Variants in NOS1 observed in about 807,000 individuals in gnomAD.
NOS1 encodes nitric oxide synthase 1.
Under a neutral mutation model 164.5 loss-of-function variants are expected in NOS1, and 51 were observed. The ratio of observed to expected loss-of-function variants is 0.31; its 90% CI spans 0.25 to 0.39. The LOEUF is 0.39. NOS1 is among the 10% of genes least tolerant of loss of function. The pLI, the probability that NOS1 is intolerant of heterozygous loss-of-function variation, is 1.00. For missense variants in NOS1, 1,362 were observed against 1,885.6 expected (o/e 0.72, Z 5.14); for synonymous variants, 719 against 745.8 (o/e 0.96, Z 0.59).
In NOS1 at chr12:117,210,465, G is replaced by A. The variant is rs1335263543; in HGVS notation, c.*4844C>T. On this transcript the variant is annotated 3_prime_UTR_variant, in exon 29 of 29. Coordinates refer to ENST00000317775, the MANE Select transcript of NOS1 (RefSeq NM_000620.5). ...GAGGACATGGTGGCCACAGCGGCAT[G>A]CTGGGTATGTGGGGCAGCGGGTAGG... The A allele has an allele frequency of 2.0e-6, 2 of 985,364 alleles. No homozygotes were observed. The highest frequency in any genetic ancestry group is 3.5e-5 in the African/African-American group (2 of 57,220). The allele number at this position is 985,364 out of a possible 1,614,324, so 61.0% of individuals were successfully genotyped here. A position where few individuals can be genotyped will look rare whatever the true frequency, so the allele number is the denominator to read the frequency against.
At chr12:117,350,216 A>G (rs1223066921) in intron 1 of NOS1, among the ~76,000 whole-genome samples, 3 of 152,158 alleles carry the variant, frequency 2.0e-5, no homozygotes, top group Non-Finnish European at 2.9e-5. Flanking sequence ...TTTGAAATCT[A>G]TGAACCTTTT....
intron 3 of NOS1, among the ~76,000 whole-genome samples, chr12:117,307,472 C>T (rs114669733): frequency 4.6e-5 from 7 of 152,170 alleles, no homozygotes; most frequent in East Asian, 3.9e-4. Context: ...GCGATACTCC[C>T]GCCTCAACCT....
Position 117,280,766 on chromosome 12 carries a change from C to T in NOS1, c.1483G>A (p.Gly495Ser), listed in dbSNP as rs1430950269. Residue 495 changes from glycine to serine, a missense_variant, in exon 8 of 29, where the codon GGC becomes AGC. Physicochemically the swap from Gly to Ser is moderately conservative, Grantham distance 56. This residue lies in a region of NOS1 where 134 missense variants were observed against 267.3 expected (regional missense o/e 0.50). Transcript: ENST00000317775. ...TTGGCTGGGTCCCCCAGGGTGGAGC[C>T]GTCAGGCTGCTTGTAGCCAGCGTAG... ...IRYAGYKQPD[G>S]STLGDPANVQ... 1.9e-6 allele frequency: 3 copies of T among 1,614,064 alleles called. No homozygotes were observed. Among genetic ancestry groups the T allele is most frequent in the South Asian group, 2.2e-5 (2 of 91,086 alleles).
rs60695198 is a variant in NOS1, at chr12:117,210,862, C to T, written c.*4447G>A. 2,647 of 985,400 alleles carry T rather than the reference C, an allele frequency of 2.7e-3. 52 individuals are homozygous for T. In the African/African-American group the frequency reaches 0.042, roughly 16 times the overall value. The allele number at this position is 985,400 out of a possible 1,614,324, so 61.0% of individuals were successfully genotyped here. A position where few individuals can be genotyped will look rare whatever the true frequency, so the allele number is the denominator to read the frequency against. On this transcript the variant is annotated 3_prime_UTR_variant, in exon 29 of 29. Coordinates refer to ENST00000317775, the MANE Select transcript of NOS1 (RefSeq NM_000620.5). The stretch of plus-strand genomic sequence containing the variant: ...ACCCTGTTGACTCCAGAGAAGCTGA[C>T]TATCACATCAGCTCTGAAAACTCAT...
In NOS1 at chr12:117,213,494, C is replaced by G. The variant is rs544985427; in HGVS notation, c.*1815G>C. On this transcript the variant is annotated 3_prime_UTR_variant, in exon 29 of 29. Coordinates refer to ENST00000317775, the MANE Select transcript of NOS1 (RefSeq NM_000620.5). Reference sequence around the variant, plus strand: ...GCTCCATGTGGCAGGAACAGGACACCGGTGGGGGCTGCCAGGGATGGCAGA... The same window carrying G: ...GCTCCATGTGGCAGGAACAGGACACGGGTGGGGGCTGCCAGGGATGGCAGA... 1.0e-6 allele frequency: 1 copy of G among 985,216 alleles called. No homozygotes were observed. Among genetic ancestry groups the G allele is most frequent in the African/African-American group, 1.7e-5 (1 of 57,196 alleles). The allele number at this position is 985,216 out of a possible 1,614,324, so 61.0% of individuals were successfully genotyped here. A position where few individuals can be genotyped will look rare whatever the true frequency, so the allele number is the denominator to read the frequency against.
chr12:117,227,710 G>A, intron 22 of NOS1, 69 bp from the exon 23 acceptor site: 2 of 1,494,302 alleles, frequency 1.3e-6, no homozygotes, highest in South Asian at 1.1e-5. Flanking sequence ...AGGACCTGAG[G>A]GGGTCCAGGA....
chr12:117,286,910 T>G (rs1745777497), intron 5 of NOS1, among the ~76,000 whole-genome samples: 1 of 152,164 alleles, frequency 6.6e-6, no homozygotes, highest in African/African-American at 2.4e-5. Context: ...TTTGCATGTT[T>G]AAAGCATTCA....
chr12:117,256,681 A>T (rs1261664528), intron 16 of NOS1, among the ~76,000 whole-genome samples: 2 of 152,136 alleles, frequency 1.3e-5, no homozygotes, highest in African/African-American at 4.8e-5. Flanking sequence ...TGCTGGAGCA[A>T]ATACTGAGTT....
At chr12:117,297,899 G>A (rs530651212) in intron 3 of NOS1, among the ~76,000 whole-genome samples, 21 of 152,082 alleles carry the variant, frequency 1.4e-4, no homozygotes, top group Non-Finnish European at 3.1e-4. Context: ...CTACACCAGG[G>A]GAGGCAGGCA....
At chr12:117,258,500 T>A (rs369702857) in intron 15 of NOS1, 45 bp from the exon 16 acceptor site, 11 of 1,598,878 alleles carry the variant, frequency 6.9e-6, no homozygotes, top group Non-Finnish European at 9.4e-6. Flanking sequence ...TCTTAGTAAA[T>A]GGGAAATCAG....
At position 117,278,002 on chromosome 12, in the gene NOS1, T is replaced by C. The variant is rs768558258; in HGVS notation, c.1621A>G (p.Ile541Val). The C allele has an allele frequency of 6.2e-7, 1 of 1,613,986 alleles. No homozygotes were observed. Among genetic ancestry groups the C allele is most frequent in the Non-Finnish European group, 8.5e-7 (1 of 1,179,926 alleles). The change falls in exon 9 of 29, where the codon ATT becomes GTT. Residue 541 changes from isoleucine (I) to valine (V), a missense_variant. Ile to Val is a conservative substitution (Grantham distance 29, BLOSUM62 3). Around this residue, in one of 4 missense-constraint regions of NOS1, gnomAD observed 134 missense variants for 267.3 expected, o/e 0.50. Transcript: ENST00000317775. Reference protein sequence around the residue: ...ANGNDPELFQIPPELVLEVPI... With the variant: ...ANGNDPELFQVPPELVLEVPI... ...ACTTCCAACACCAGCTCTGGAGGAA[T>C]CTGGAAGAGCTCAGGGTCATTGCCG...
chr12:117,231,997 C>T lies in NOS1; in HGVS notation c.3370G>A (p.Glu1124Lys), dbSNP rs372660293. ...ACCAGCAGACGCTGCTTCTCCTTCT[C>T]GCTGGTAGCTAGGGAGGCAAACTGC... ...LQQFASLATS[E>K]KEKQRLLVLS... The change falls in exon 22 of 29, where the codon GAG (glutamate) becomes AAG (lysine). Residue 1124 changes from glutamate (E) to lysine (K), a missense_variant. Glu to Lys is a moderately conservative substitution (Grantham distance 56, BLOSUM62 1). Transcript: ENST00000317775. The T allele has an allele frequency of 2.0e-5, 33 of 1,612,748 alleles. No homozygotes were observed. The highest frequency in any genetic ancestry group is 2.5e-5 in the Non-Finnish European group (29 of 1,179,922).
intron 1 of NOS1, among the ~76,000 whole-genome samples, chr12:117,335,627 A>C (rs529632776): frequency 6.6e-6 from 1 of 152,190 alleles, no homozygotes; most frequent in Non-Finnish European, 1.5e-5. Flanking sequence ...ACAGAAGGAA[A>C]GGTAACAGCA....
chr12:117,284,796 T>C (rs1873970760), intron 7 of NOS1, among the ~76,000 whole-genome samples: 1 of 152,114 alleles, frequency 6.6e-6, no homozygotes, highest in African/African-American at 2.4e-5. Context: ...ATGCCTGTAA[T>C]CCCAGCATTT....
Position 117,253,760 on chromosome 12 carries a change from A to G in NOS1, c.2532-6T>C, listed in dbSNP as rs1871256653. ...TGAATCGGACCTTGTAGCTCCTGCC[A>G]AAACCAAAGAGAACCTGTGAGCTCT... On this transcript the variant is annotated splice_region_variant and splice_polypyrimidine_tract_variant and intron_variant, in intron 16 of 28. Coordinates refer to ENST00000317775, the MANE Select transcript of NOS1 (RefSeq NM_000620.5). The G allele has an allele frequency of 1.2e-6, 2 of 1,602,868 alleles. No homozygotes were observed. The highest frequency in any genetic ancestry group is 1.3e-5 in the African/African-American group (1 of 74,762).
rs1956569711 is a variant in NOS1, at chr12:117,214,216, T to C, written c.*1093A>G. 1 of 985,260 alleles carries C rather than the reference T, an allele frequency of 1.0e-6. No individual in the cohort carries two copies. Among genetic ancestry groups the C allele is most frequent in the Non-Finnish European group, 1.2e-6 (1 of 829,908 alleles). The allele number at this position is 985,260 out of a possible 1,614,324, so 61.0% of individuals were successfully genotyped here. On this transcript the variant is annotated 3_prime_UTR_variant, in exon 29 of 29. Transcript: ENST00000317775. ...GGGGAATAAAAAAATAATAATCATA[T>C]TGTTACTTGATATTGTTTCCAGGCA...
intron 1 of NOS1, among the ~76,000 whole-genome samples, chr12:117,337,452 C>T (rs1429201758): frequency 2.0e-5 from 3 of 152,040 alleles, no homozygotes; most frequent in African/African-American, 7.2e-5. Flanking sequence ...TTATAAAGCC[C>T]AACATTACAC....
intron 1 of NOS1, among the ~76,000 whole-genome samples, chr12:117,340,871 C>CTTTTTTTTTTTTTTTTTTTTTT (rs775978271): frequency 1.0e-5 from 1 of 96,434 alleles, no homozygotes. Flanking sequence ...TCACACCTGG[C>CTTTTTTTTTTTTTTTTTTTTTT]TATTTTTTTT....
At chr12:117,334,772 C>G (rs1023195905) in intron 1 of NOS1, among the ~76,000 whole-genome samples, 2 of 152,210 alleles carry the variant, frequency 1.3e-5, no homozygotes, top group African/African-American at 4.8e-5. Flanking sequence ...CTCATCTATC[C>G]TATTTTTCAT....
Sources: allele counts gnomAD v4.1 joint callset (sites outside exome capture counted in the v4.1 genomes callset), GRCh38; gene constraint gnomAD v4.1.1; regional missense constraint gnomAD v4.1.1; transcripts MANE v1.5; gene names NCBI Gene and HGNC (gene_info 2026-07-23, HGNC 2026-07-21).